The following NRXN3 variants were observed in gnomAD, a reference collection of about 807,000 sequenced individuals.
NRXN3 encodes the protein neurexin III.
NRXN3 carries 32 observed loss-of-function variants against 137.6 expected under a neutral mutation model. The ratio of observed to expected loss-of-function variants is 0.23; its 90% CI spans 0.18 to 0.31. The LOEUF (loss-of-function observed/expected upper bound fraction) is 0.31, where lower values mean the gene tolerates loss of function less well. Ranked by LOEUF, NRXN3 falls within the 10% of genes least tolerant of loss-of-function variation. The pLI is 1.00. For synonymous variants in NRXN3, 798 were observed against 784.5 expected (o/e 1.02, Z -0.29); for missense variants, 1,574 against 2,062.5 (o/e 0.76, Z 4.59).
intron 4 of NRXN3, among the ~76,000 whole-genome samples, chr14:78,409,000 G>A (rs73327172): frequency 0.07 from 10,699 of 152,244 alleles, 1,011 homozygotes; most frequent in African/African-American, 0.21. Flanking sequence ...TTGAAATTCT[G>A]TTAGAAATTC....
chr14:78,580,568 GCA>G (rs2096983665), intron 4 of NRXN3, among the ~76,000 whole-genome samples: 2 of 152,054 alleles, frequency 1.3e-5, no homozygotes, highest in South Asian at 4.1e-4. Flanking sequence ...TCAGTATTCT[GCA>G]CACACAGGAG....
At chr14:78,741,186 A>G (rs908873947) in intron 8 of NRXN3, among the ~76,000 whole-genome samples, 2 of 152,178 alleles carry the variant, frequency 1.3e-5, no homozygotes, top group African/African-American at 2.4e-5. Context: ...CAAGGACACA[A>G]TTTTCCTCCA....
rs1177176129 is a variant in NRXN3 at position 78,532,710 on chromosome 14, C to T, written c.758-112410C>T. ...TCTTTGACGCCACATCTCTTTAGCT[C>T]CCATCTTTGTTTATCTTCGCTTTCT... On this transcript the variant is annotated intron_variant, in intron 4 of 20. Coordinates refer to ENST00000335750, the MANE Select transcript of NRXN3 (RefSeq NM_001330195.2). 2.0e-5 allele frequency among the ~76,000 whole-genome samples: 3 copies of T among 152,138 alleles called. No homozygotes were observed. The East Asian group carries it at 5.8e-4, about 29-fold the overall frequency.
At chr14:78,526,838 C>T in intron 4 of NRXN3, 1 of 490,360 alleles carries the variant, frequency 2.0e-6, no homozygotes, top group Admixed American at 2.1e-5. Context: ...TTCATATTTT[C>T]TATGCTTCCT....
chr14:79,180,158 G>T (rs909187151), intron 15 of NRXN3, among the ~76,000 whole-genome samples: 3 of 151,630 alleles, frequency 2.0e-5, no homozygotes, highest in African/African-American at 7.3e-5. Flanking sequence ...TGGCTTATGG[G>T]GTATTGATTG....
At chr14:79,279,387 T>C in intron 15 of NRXN3, 1 of 986,354 alleles carries the variant, frequency 1.0e-6, no homozygotes, top group Non-Finnish European at 1.2e-6. Flanking sequence ...CTCGCTTCAC[T>C]TCACCTGTGC....
chr14:78,365,635 C>A (rs918170482), intron 4 of NRXN3, among the ~76,000 whole-genome samples: 1 of 152,130 alleles, frequency 6.6e-6, no homozygotes, highest in Admixed American at 6.5e-5. Flanking sequence ...GTTTGGAGAA[C>A]AATTTGCCAG....
chr14:78,612,695 C>T (rs1011625695), intron 4 of NRXN3, among the ~76,000 whole-genome samples: 1 of 152,196 alleles, frequency 6.6e-6, no homozygotes, highest in Non-Finnish European at 1.5e-5. Context: ...TAGTCTGGTA[C>T]TCAGTTGAGA....
chr14:78,813,280 C>A (rs1384908795), intron 10 of NRXN3, among the ~76,000 whole-genome samples: 1 of 152,190 alleles, frequency 6.6e-6, no homozygotes, highest in Non-Finnish European at 1.5e-5. Context: ...ATGATCCGAA[C>A]TTCTAAGCCC....
At chr14:78,260,323 G>A (rs1331261626) in intron 2 of NRXN3, among the ~76,000 whole-genome samples, 1 of 152,170 alleles carries the variant, frequency 6.6e-6, no homozygotes, top group Non-Finnish European at 1.5e-5. Context: ...TCACACACAG[G>A]AGGTCCAGGG....
chr14:78,979,777 C>T (rs915681260), intron 14 of NRXN3, among the ~76,000 whole-genome samples: 8 of 152,104 alleles, frequency 5.3e-5, no homozygotes, highest in Admixed American at 1.3e-4. Context: ...AGCAAAGTCA[C>T]GTCTTACATG....
intron 4 of NRXN3, among the ~76,000 whole-genome samples, chr14:78,605,420 G>T (rs114838353): frequency 6.6e-6 from 1 of 152,124 alleles, no homozygotes; most frequent in Non-Finnish European, 1.5e-5. Flanking sequence ...GAGTAATGCC[G>T]TTGAAATATT....
At chr14:78,336,590 A>G (rs539640633) in intron 4 of NRXN3, among the ~76,000 whole-genome samples, 18 of 152,132 alleles carry the variant, frequency 1.2e-4, no homozygotes, top group Non-Finnish European at 2.2e-4. Flanking sequence ...GAGCAAGTAT[A>G]TACTCCACAG....
intron 10 of NRXN3, among the ~76,000 whole-genome samples, chr14:78,918,285 C>CAAAAAAAA (rs71454807): frequency 1.2e-4 from 4 of 34,612 alleles, no homozygotes; most frequent in African/African-American, 3.8e-4. Context: ...AACTCCATCT[C>CAAAAAAAA]AAAAAAAAAA....
At chr14:79,517,025 G>A (rs1178640964) in intron 16 of NRXN3, among the ~76,000 whole-genome samples, 1 of 151,450 alleles carries the variant, frequency 6.6e-6, no homozygotes, top group African/African-American at 2.4e-5. Flanking sequence ...GGAGGTATAT[G>A]CATTTGTAAT....
At chr14:79,401,850 G>GAA (rs201841768) in intron 15 of NRXN3, among the ~76,000 whole-genome samples, 3 of 130,326 alleles carry the variant, frequency 2.3e-5, no homozygotes, top group Non-Finnish European at 3.3e-5. Flanking sequence ...TCCTGGTAAT[G>GAA]AAAAAAAAAA....
chr14:79,699,086 A>T (rs1007449624), intron 19 of NRXN3, among the ~76,000 whole-genome samples: 1 of 151,984 alleles, frequency 6.6e-6, no homozygotes, highest in Non-Finnish European at 1.5e-5. Context: ...TGACAGTGTC[A>T]TAAGGGCAAT....
intron 4 of NRXN3, among the ~76,000 whole-genome samples, chr14:78,385,639 G>A (rs1430349494): frequency 2.6e-5 from 4 of 152,142 alleles, no homozygotes; most frequent in Non-Finnish European, 4.4e-5. Flanking sequence ...AGTTCTACTG[G>A]TCACCCATAC....
At chr14:79,846,140 T>A (rs1429949481) in intron 20 of NRXN3, among the ~76,000 whole-genome samples, 1 of 152,158 alleles carries the variant, frequency 6.6e-6, no homozygotes, top group African/African-American at 2.4e-5. Context: ...AACACAGAGT[T>A]GCAAAGTGAG....
Sources: gnomAD v4.1 joint callset for allele counts (sites outside exome capture counted in the v4.1 genomes callset) on GRCh38, gnomAD v4.1.1 for gene constraint, MANE v1.5 for transcripts, NCBI Gene and HGNC (gene_info 2026-07-23, HGNC 2026-07-21) for gene names.